The following CNTNAP2 variants were observed in gnomAD, a reference collection of about 807,000 sequenced individuals.
CNTNAP2 encodes the protein contactin-associated protein-like 2.
CNTNAP2 carries 98 observed loss-of-function variants against 155.2 expected under a neutral mutation model. The observed-to-expected ratio is 0.63, with a 90% CI of 0.54 to 0.75. The LOEUF (loss-of-function observed/expected upper bound fraction) is 0.75. Ranked by LOEUF, CNTNAP2 falls within the 30% of genes least tolerant of loss-of-function variation. CNTNAP2 has a pLI of 0.00. For missense variants in CNTNAP2, 1,727 were observed against 1,688.1 expected (o/e 1.02, Z -0.40); for synonymous variants, 651 against 631.2 (o/e 1.03, Z -0.47).
intron 9 of CNTNAP2, among the ~76,000 whole-genome samples, chr7:147,392,139 T>C (rs779014475): frequency 2.6e-5 from 4 of 152,000 alleles, no homozygotes; most frequent in Non-Finnish European, 5.9e-5. Context: ...ATAGCAAAGA[T>C]CTAATTTTCT....
At chr7:146,928,529 G>C (rs1436556032) in intron 3 of CNTNAP2, among the ~76,000 whole-genome samples, 5 of 152,306 alleles carry the variant, frequency 3.3e-5, no homozygotes, top group African/African-American at 1.2e-4. Context: ...GGTGATTTCT[G>C]CATTTCCATC....
At chr7:147,422,187 C>CAA (rs1563198675) in intron 10 of CNTNAP2, among the ~76,000 whole-genome samples, 1 of 136,654 alleles carries the variant, frequency 7.3e-6, no homozygotes, top group African/African-American at 3.2e-5. Flanking sequence ...TATATATACA[C>CAA]TATATAGTAT....
chr7:146,472,113 C>T (rs1219923847), intron 1 of CNTNAP2, among the ~76,000 whole-genome samples: 9 of 152,134 alleles, frequency 5.9e-5, no homozygotes, highest in Admixed American at 4.6e-4. Flanking sequence ...GCAAATGCAC[C>T]GTTACATAGG....
chr7:147,505,078 C>T (rs991561224), intron 11 of CNTNAP2, among the ~76,000 whole-genome samples: 13 of 152,030 alleles, frequency 8.6e-5, no homozygotes, highest in African/African-American at 2.9e-4. Flanking sequence ...AGATTTTCCC[C>T]GTTTCTATAA....
At chr7:148,225,788 A>G (rs1447029474) in intron 19 of CNTNAP2, among the ~76,000 whole-genome samples, 1 of 152,236 alleles carries the variant, frequency 6.6e-6, no homozygotes, top group Non-Finnish European at 1.5e-5. Context: ...TTGAAGATCA[A>G]GCCAAGAAGA....
chr7:147,222,815 T>G (rs915300780), intron 8 of CNTNAP2, among the ~76,000 whole-genome samples: 6 of 148,098 alleles, frequency 4.1e-5, no homozygotes, highest in African/African-American at 7.5e-5. Context: ...CTCAGGGTTT[T>G]TTTTTTTTTT....
chr7:146,963,305 CTTTG>C (rs1046100005), intron 3 of CNTNAP2: 17 of 152,220 alleles, frequency 1.1e-4, no homozygotes, highest in African/African-American at 3.9e-4. Context: ...TTTTACTTGT[CTTTG>C]TTTGAACAGT....
intron 1 of CNTNAP2, among the ~76,000 whole-genome samples, chr7:146,770,833 AT>A (rs1802282072): frequency 6.6e-6 from 1 of 152,192 alleles, no homozygotes; most frequent in Non-Finnish European, 1.5e-5. Context: ...CTATTGGATC[AT>A]TTAATCAGTT....
rs137924687 is a variant in CNTNAP2 at position 146,774,309 on chromosome 7, G to A, written c.136G>A (p.Val46Met). 151 of 1,613,766 alleles carry A rather than the reference G, an allele frequency of 9.4e-5. No individual in the cohort carries two copies. The African/African-American group carries it at 1.7e-3, about 18-fold the overall frequency. Residue 46 changes from valine (V) to methionine (M), a missense_variant, in exon 2 of 24, where the codon GTG becomes ATG. Physicochemically the swap from Val to Met is conservative, Grantham distance 21 (BLOSUM62 1). Transcript: ENST00000361727. ...GCCACTTGTCTCTGGACTCCCCCAT[G>A]TGGCTTTCAGCAGCTCCTCCTCCAT... is the stretch of plus-strand genomic sequence containing the variant. Reference protein sequence around the residue: ...DEPLVSGLPHVAFSSSSSISG... With the variant: ...DEPLVSGLPHMAFSSSSSISG...
intron 9 of CNTNAP2, among the ~76,000 whole-genome samples, chr7:147,371,756 C>T (rs2116915756): frequency 6.6e-6 from 1 of 152,242 alleles, no homozygotes; most frequent in Non-Finnish European, 1.5e-5. Context: ...TCCAGGGGTG[C>T]TCACTTATGT....
intron 11 of CNTNAP2, among the ~76,000 whole-genome samples, chr7:147,521,562 G>A (rs1009038101): frequency 3.3e-5 from 5 of 152,162 alleles, no homozygotes; most frequent in African/African-American, 4.8e-5. Context: ...TGGAAGATGC[G>A]AGAATATTGC....
chr7:146,710,916 G>T (rs187625684), intron 1 of CNTNAP2, among the ~76,000 whole-genome samples: 1 of 152,006 alleles, frequency 6.6e-6, no homozygotes, highest in African/African-American at 2.4e-5. Context: ...GAGCTCTCCA[G>T]CTGGCCCATT....
chr7:146,427,018 C>A (rs1796103364), intron 1 of CNTNAP2, among the ~76,000 whole-genome samples: 1 of 151,966 alleles, frequency 6.6e-6, no homozygotes, highest in African/African-American at 2.4e-5. Flanking sequence ...GCTTATTTTC[C>A]ACTATTCATC....
At chr7:146,477,283 C>T (rs1247719076) in intron 1 of CNTNAP2, among the ~76,000 whole-genome samples, 6 of 152,126 alleles carry the variant, frequency 3.9e-5, no homozygotes, top group African/African-American at 1.4e-4. Flanking sequence ...ATTTTAAAAA[C>T]AAAATCAGGT....
chr7:146,814,755 A>C (rs1256262779), intron 2 of CNTNAP2, among the ~76,000 whole-genome samples: 1 of 151,822 alleles, frequency 6.6e-6, no homozygotes, highest in Non-Finnish European at 1.5e-5. Context: ...GATACCCCAA[A>C]GTCACCCCAA....
At chr7:148,360,812 TTTTC>T (rs1343459077) in intron 21 of CNTNAP2, among the ~76,000 whole-genome samples, 2 of 150,462 alleles carry the variant, frequency 1.3e-5, no homozygotes, top group African/African-American at 5.0e-5. Flanking sequence ...TTTTTTTTCT[TTTTC>T]TTTTTTTTTT....
chr7:146,526,674 G>C (rs965548003), intron 1 of CNTNAP2, among the ~76,000 whole-genome samples: 1 of 152,118 alleles, frequency 6.6e-6, no homozygotes, highest in Non-Finnish European at 1.5e-5. Flanking sequence ...CATTCAAACT[G>C]TGTCACCTAC....
intron 1 of CNTNAP2, among the ~76,000 whole-genome samples, chr7:146,439,070 A>G (rs1393453466): frequency 6.7e-6 from 1 of 149,672 alleles, no homozygotes; most frequent in Non-Finnish European, 1.5e-5. Context: ...ATTATTTATT[A>G]CTAAAAAAAA....
At chr7:146,730,636 A>T (rs1480475660) in intron 1 of CNTNAP2, among the ~76,000 whole-genome samples, 1 of 152,110 alleles carries the variant, frequency 6.6e-6, no homozygotes, top group African/African-American at 2.4e-5. Flanking sequence ...TGACCGCAAC[A>T]TATATATACA....
Sources: gnomAD v4.1 joint callset for allele counts (sites outside exome capture counted in the v4.1 genomes callset) on GRCh38, gnomAD v4.1.1 for gene constraint, MANE v1.5 for transcripts, NCBI Gene and HGNC (gene_info 2026-07-23, HGNC 2026-07-21) for gene names.